The following GALNT13 variants were observed in gnomAD, a reference collection of about 807,000 sequenced individuals.
The protein encoded by GALNT13 is polypeptide N-acetylgalactosaminyltransferase 13.
In GALNT13, 28 loss-of-function variants were observed where a neutral mutation model predicts 64.2. That is an observed-to-expected ratio of 0.44 (90% CI 0.32 to 0.60). The LOEUF is 0.60. Among genes scored for constraint, GALNT13 ranks in the 20% least tolerant of loss-of-function variants. The pLI, the probability that GALNT13 is intolerant of heterozygous loss-of-function variation, is 0.05. For missense variants in GALNT13, 577 were observed against 669.8 expected (o/e 0.86, Z 1.53); for synonymous variants, 214 against 224.6 (o/e 0.95, Z 0.42).
At chr2:153,414,119 T>A in the GALNT13 span, among the ~76,000 whole-genome samples, 1 of 152,180 alleles carries the variant, frequency 6.6e-6, no homozygotes, top group Admixed American at 6.6e-5. Context: ...CTCACACTTA[T>A]AATCCCAGCA....
intron 9 of GALNT13, among the ~76,000 whole-genome samples, chr2:154,303,014 G>T (rs1574053917): frequency 2.0e-5 from 3 of 152,244 alleles, no homozygotes; most frequent in East Asian, 1.9e-4. Flanking sequence ...AATATACTTT[G>T]GGTTCCTTCT....
the GALNT13 span, among the ~76,000 whole-genome samples, chr2:153,651,762 C>G: frequency 1.3e-5 from 2 of 152,072 alleles, no homozygotes; most frequent in African/African-American, 4.8e-5. Flanking sequence ...AGAATCCTGA[C>G]AAGATAAGCA....
At chr2:153,254,373 G>T in the GALNT13 span, among the ~76,000 whole-genome samples, 4 of 151,886 alleles carry the variant, frequency 2.6e-5, no homozygotes, top group African/African-American at 7.2e-5. Context: ...TTCTTTATTA[G>T]TCTGGCTAAC....
chr2:153,189,094 A>G, the GALNT13 span, among the ~76,000 whole-genome samples: 21,215 of 152,174 alleles, frequency 0.14, 1,744 homozygotes, highest in Non-Finnish European at 0.18. Flanking sequence ...TGTGTATAAC[A>G]CAAAGTGAGC....
At chr2:154,357,758 C>T (rs1463402502) in intron 9 of GALNT13, among the ~76,000 whole-genome samples, 1 of 151,990 alleles carries the variant, frequency 6.6e-6, no homozygotes, top group Non-Finnish European at 1.5e-5. Context: ...TCACATTTGA[C>T]ATTCAGCTGG....
chr2:153,520,387 G>A, the GALNT13 span, among the ~76,000 whole-genome samples: 1 of 151,992 alleles, frequency 6.6e-6, no homozygotes, highest in African/African-American at 2.4e-5. Context: ...AAAATTTTCT[G>A]GTGACCAAAG....
the GALNT13 span, among the ~76,000 whole-genome samples, chr2:153,439,206 G>A: frequency 3.3e-5 from 5 of 152,164 alleles, no homozygotes; most frequent in East Asian, 3.9e-4. Flanking sequence ...AATACCTGGT[G>A]GTGTGAGGTG....
chr2:154,352,594 G>A (rs185447098), intron 9 of GALNT13, among the ~76,000 whole-genome samples: 50 of 152,280 alleles, frequency 3.3e-4, no homozygotes, highest in African/African-American at 1.0e-3. Context: ...CACAGAAGAA[G>A]CAGTTGTATA....
chr2:154,240,432 G>A (rs991910045), intron 4 of GALNT13, among the ~76,000 whole-genome samples: 4 of 152,140 alleles, frequency 2.6e-5, no homozygotes, highest in African/African-American at 9.7e-5. Context: ...GGAGCTTTTC[G>A]GAAATGCAGA....
At chr2:153,959,858 G>A (rs1002566761) in intron 3 of GALNT13, among the ~76,000 whole-genome samples, 1 of 152,122 alleles carries the variant, frequency 6.6e-6, no homozygotes, top group Non-Finnish European at 1.5e-5. Flanking sequence ...TGCTGGGGTG[G>A]GAGAGGCCTG....
chr2:153,182,230 G>A, the GALNT13 span, among the ~76,000 whole-genome samples: 1 of 151,844 alleles, frequency 6.6e-6, no homozygotes. Context: ...ATTTTTAGTG[G>A]AGACGGGGTT....
chr2:154,126,515 G>A (rs545337626), intron 3 of GALNT13, among the ~76,000 whole-genome samples: 3 of 151,900 alleles, frequency 2.0e-5, no homozygotes, highest in South Asian at 4.2e-4. Flanking sequence ...GGCGCCGGTA[G>A]TCCCAGCCAC....
chr2:153,718,925 CG>C, the GALNT13 span, among the ~76,000 whole-genome samples: 3 of 152,124 alleles, frequency 2.0e-5, no homozygotes, highest in South Asian at 2.1e-4. Context: ...TAATTAAACA[CG>C]GGGGTTCTCT....
chr2:153,701,858 A>G, the GALNT13 span, among the ~76,000 whole-genome samples: 1 of 152,134 alleles, frequency 6.6e-6, no homozygotes, highest in African/African-American at 2.4e-5. Context: ...GTGGAGAAAC[A>G]GGAATGCTTT....
intron 3 of GALNT13, among the ~76,000 whole-genome samples, chr2:154,003,268 C>G (rs752618039): frequency 6.6e-6 from 1 of 152,118 alleles, no homozygotes; most frequent in Non-Finnish European, 1.5e-5. Flanking sequence ...ATCAGTTTGG[C>G]CCCCCATGAA....
chr2:154,232,984 G>A (rs4664727), intron 4 of GALNT13, among the ~76,000 whole-genome samples: 77,771 of 143,788 alleles, frequency 0.54, 21,328 homozygotes, highest in East Asian at 0.78. Flanking sequence ...AGGTGGCAGT[G>A]AATCAATATC....
chr2:153,594,303 A>G, the GALNT13 span, among the ~76,000 whole-genome samples: 15 of 152,292 alleles, frequency 9.8e-5, no homozygotes, highest in Admixed American at 3.3e-4. Flanking sequence ...AAATAACCAA[A>G]GAAGGTTTAC....
intron 8 of GALNT13, among the ~76,000 whole-genome samples, chr2:154,291,197 C>T (rs777330744): frequency 1.3e-5 from 2 of 152,196 alleles, no homozygotes; most frequent in Non-Finnish European, 1.5e-5. Context: ...CTGATTTGTC[C>T]GTTTCACAGA....
chr2:153,750,653 G>T, the GALNT13 span, among the ~76,000 whole-genome samples: 2 of 151,566 alleles, frequency 1.3e-5, no homozygotes, highest in South Asian at 4.1e-4. Flanking sequence ...GAATTTCTGG[G>T]ATAGCAGTTG....
Sources: gnomAD v4.1 joint callset for allele counts (sites outside exome capture counted in the v4.1 genomes callset) on GRCh38, gnomAD v4.1.1 for gene constraint, MANE v1.5 for transcripts, NCBI Gene and HGNC (gene_info 2026-07-23, HGNC 2026-07-21) for gene names.